The following P2RX7 variants were observed in gnomAD, a reference collection of about 807,000 sequenced individuals.
The protein encoded by P2RX7 is P2X purinoceptor 7.
In P2RX7, 62 loss-of-function variants were observed where a neutral mutation model predicts 71.6. The ratio of observed to expected loss-of-function variants is 0.87; its 90% CI spans 0.71 to 1.07. P2RX7 has a LOEUF of 1.07. Ranked by LOEUF, P2RX7 falls within the 50% of genes least tolerant of loss-of-function variation. P2RX7 has a pLI of 0.00. For synonymous variants in P2RX7, 299 were observed against 283.3 expected (o/e 1.06, Z -0.56); for missense variants, 686 against 748.5 (o/e 0.92, Z 0.97).
intron 3 of P2RX7, among the ~76,000 whole-genome samples, chr12:121,159,474 C>G (rs1879216540): frequency 7.0e-6 from 1 of 142,220 alleles, no homozygotes; most frequent in Admixed American, 7.0e-5. Flanking sequence ...TACAGATGAA[C>G]AGTGAGCTGG....
chr12:121,184,626 G>A lies in P2RX7; in HGVS notation c.1612G>A (p.Val538Met), dbSNP rs200834697. ...CCAGGAGCCCTTGCTGGCGCTGGAT[G>A]TGGATTCCACCAACAGCCGGCTGCG... ...LYQEPLLALD[V>M]DSTNSRLRHC... Residue 538 changes from valine to methionine, a missense_variant, in exon 13 of 13, where the codon GTG becomes ATG. Transcript: ENST00000328963. The A allele has an allele frequency of 1.2e-5, 19 of 1,611,014 alleles. No individual in the cohort carries two copies. The highest frequency in any genetic ancestry group is 1.5e-5 in the Non-Finnish European group (18 of 1,178,868).
intron 12 of P2RX7, among the ~76,000 whole-genome samples, chr12:121,183,565 C>T (rs1414224615): frequency 3.0e-5 from 3 of 101,224 alleles, no homozygotes; most frequent in South Asian, 7.2e-4. Context: ...AGCAAGACTC[C>T]ATCTCAAAAA....
At chr12:121,160,151 T>C (rs191389642) in intron 3 of P2RX7, among the ~76,000 whole-genome samples, 194 of 152,058 alleles carry the variant, frequency 1.3e-3, no homozygotes, top group African/African-American at 4.5e-3. Context: ...CCTTCCTTCC[T>C]TTCTTTCTTT....
chr12:121,175,534 C>A, intron 9 of P2RX7, 56 bp downstream of exon 9: 1 of 812,676 alleles, frequency 1.2e-6, no homozygotes, highest in Non-Finnish European at 2.2e-6. Flanking sequence ...GTCCTAATTA[C>A]TGCTGTGGGG....
chr12:121,169,646 C>G lies in P2RX7; in HGVS notation c.881+2022C>G, dbSNP rs190333780. 2.6e-5 allele frequency among the ~76,000 whole-genome samples: 4 copies of G among 152,276 alleles called. No individual in the cohort carries two copies. In the East Asian group the frequency reaches 7.7e-4, roughly 29 times the overall value. On this transcript the variant is annotated intron_variant, in intron 8 of 12. Transcript: ENST00000328963. Reference sequence around the variant, plus strand: ...ACAGGCCAGGTGCGGTGGCTTATGCCTGTAATCCCAGCACTTTGGGAGGCC... The same window carrying G: ...ACAGGCCAGGTGCGGTGGCTTATGCGTGTAATCCCAGCACTTTGGGAGGCC...
rs560363038 is a variant in P2RX7 at position 121,177,561 on chromosome 12, C to A, written c.1188+115C>A. 1.1e-5 allele frequency: 11 copies of A among 1,030,252 alleles called. No individual in the cohort carries two copies. The East Asian group carries it at 2.4e-4, about 23-fold the overall frequency. The allele number at this position is 1,030,252 out of a possible 1,614,324, so 63.8% of individuals were successfully genotyped here. The stretch of plus-strand genomic sequence containing the variant: ...GCTTCATCCTGTAGTGGATACGTCG[C>A]TGGGTTCTACCCCGATCAACCAACT... On this transcript the variant is annotated intron_variant, in intron 11 of 12. Coordinates refer to ENST00000328963, the MANE Select transcript of P2RX7 (RefSeq NM_002562.6).
rs1240404660 is a variant in P2RX7 at position 121,152,308 on chromosome 12, G to C, written c.126-2477G>C. On this transcript the variant is annotated intron_variant, in intron 1 of 12. Coordinates refer to ENST00000328963, the MANE Select transcript of P2RX7 (RefSeq NM_002562.6). Reference sequence around the variant, plus strand: ...GTCAATTCATTTTCACTGCTGCAAAGCATCTCATTTTAAAAAATTATTTTA... The same window carrying C: ...GTCAATTCATTTTCACTGCTGCAAACCATCTCATTTTAAAAAATTATTTTA... Among the ~76,000 whole-genome samples the C allele has an allele frequency of 5.9e-5, 9 of 152,006 alleles. No homozygotes were observed. In the East Asian group the frequency reaches 1.7e-3, roughly 29 times the overall value.
chr12:121,176,228 A>AACACACACACACACACACAC (rs56222751), intron 9 of P2RX7, among the ~76,000 whole-genome samples: 27 of 140,842 alleles, frequency 1.9e-4, no homozygotes, highest in Non-Finnish European at 3.5e-4. Context: ...CAGCCCCTTC[A>AACACACACACACACACACAC]ACACACACAC....
chr12:121,145,920 T>C (rs1876086152), intron 1 of P2RX7, among the ~76,000 whole-genome samples: 1 of 152,094 alleles, frequency 6.6e-6, no homozygotes, highest in South Asian at 2.1e-4. Flanking sequence ...GATGTTTAAA[T>C]GCAGATGGAA....
intron 8 of P2RX7, among the ~76,000 whole-genome samples, chr12:121,173,157 C>A (rs1882500275): frequency 2.0e-5 from 3 of 151,672 alleles, no homozygotes; most frequent in Admixed American, 2.0e-4. Context: ...AGAGAGAGGT[C>A]AATGCCACTC....
chr12:121,135,122 C>T (rs1376343280), intron 1 of P2RX7, among the ~76,000 whole-genome samples: 3 of 151,870 alleles, frequency 2.0e-5, no homozygotes, highest in Non-Finnish European at 4.4e-5. Flanking sequence ...GGGTGGATCA[C>T]GAAGTCAGGA....
intron 1 of P2RX7, among the ~76,000 whole-genome samples, chr12:121,139,834 A>G (rs768486781): frequency 4.7e-5 from 7 of 148,116 alleles, no homozygotes; most frequent in Non-Finnish European, 8.9e-5. Flanking sequence ...TCCTGGGTTC[A>G]TGCGATTCTC....
rs1403695721 is a variant in P2RX7, at chr12:121,175,431, C to T, written c.925C>T (p.Leu309=). 1 of 1,596,480 alleles carries T rather than the reference C, an allele frequency of 6.3e-7. No individual in the cohort carries two copies. Among genetic ancestry groups the T allele is most frequent in the South Asian group, 1.1e-5 (1 of 90,724 alleles). ...YKENNVEKRT[L]IKVFGIRFDI... Reference sequence around the variant, plus strand: ...GGAAAACAATGTTGAGAAACGGACTCTGATAAAAGTCTTCGGGATCCGTTT... The same window carrying T: ...GGAAAACAATGTTGAGAAACGGACTTTGATAAAAGTCTTCGGGATCCGTTT... Residue 309 remains leucine, a synonymous_variant, in exon 9 of 13, where the codon CTG becomes TTG. Transcript: ENST00000328963.
rs570822450 is a variant in P2RX7, at chr12:121,171,496, A to C, written c.881+3872A>C. ...TTGATCTCTCCTTTATCTTATAAAG[A>C]TACTAGTCATTGGATTTGGGGCTTA... On this transcript the variant is annotated intron_variant, in intron 8 of 12. Coordinates refer to ENST00000328963, the MANE Select transcript of P2RX7 (RefSeq NM_002562.6). Among the ~76,000 whole-genome samples the C allele has an allele frequency of 3.4e-4, 51 of 151,020 alleles. 1 individual carries two copies. The highest frequency in any genetic ancestry group is 1.2e-3 in the African/African-American group (50 of 41,154).
intron 1 of P2RX7, among the ~76,000 whole-genome samples, chr12:121,152,534 T>C (rs1194282369): frequency 6.6e-6 from 1 of 152,136 alleles, no homozygotes; most frequent in Non-Finnish European, 1.5e-5. Flanking sequence ...TGTTTTGTTT[T>C]TTGAGATGGA....
At chr12:121,174,110 C>T (rs1299065995) in intron 8 of P2RX7, among the ~76,000 whole-genome samples, 20 of 134,156 alleles carry the variant, frequency 1.5e-4, no homozygotes, top group African/African-American at 4.1e-4. Context: ...CGCAGTGATA[C>T]GATCTCGGCT....
intron 1 of P2RX7, among the ~76,000 whole-genome samples, chr12:121,136,056 A>G (rs1873564808): frequency 7.9e-6 from 1 of 126,018 alleles, no homozygotes; most frequent in East Asian, 2.4e-4. Flanking sequence ...TTTTTAGTAG[A>G]GATGGGGTTT....
intron 5 of P2RX7, among the ~76,000 whole-genome samples, chr12:121,163,633 A>G (rs11065463): frequency 0.28 from 41,363 of 148,566 alleles, 5,951 homozygotes; most frequent in East Asian, 0.43. Context: ...AGATAGATAG[A>G]TAGATAGATA....
intron 8 of P2RX7, among the ~76,000 whole-genome samples, chr12:121,173,502 A>G (rs2136125628): frequency 6.6e-6 from 1 of 152,108 alleles, no homozygotes; most frequent in East Asian, 1.9e-4. Context: ...AATTTATTAC[A>G]TACTTTTCCC....
Sources: gnomAD v4.1 joint callset for allele counts (sites outside exome capture counted in the v4.1 genomes callset) on GRCh38, gnomAD v4.1.1 for gene constraint, MANE v1.5 for transcripts, NCBI Gene and HGNC (gene_info 2026-07-23, HGNC 2026-07-21) for gene names.